The following BAZ1B variants were observed in gnomAD, a reference collection of about 807,000 sequenced individuals.
The protein encoded by BAZ1B is tyrosine-protein kinase BAZ1B.
Under a neutral mutation model 153.8 loss-of-function variants are expected in BAZ1B, and 22 were observed. That is an observed-to-expected ratio of 0.14 (90% CI 0.10 to 0.20). The LOEUF (loss-of-function observed/expected upper bound fraction) is 0.20. Ranked by LOEUF, BAZ1B falls within the 10% of genes least tolerant of loss-of-function variation. BAZ1B has a pLI of 1.00. For missense variants in BAZ1B, 1,325 were observed against 1,799.3 expected (o/e 0.74, Z 4.77); for synonymous variants, 676 against 633.4 (o/e 1.07, Z -1.01).
intron 3 of BAZ1B, chr7:73,507,264 T>C (rs782225270): frequency 1.3e-5 from 2 of 152,112 alleles, no homozygotes; most frequent in African/African-American, 2.4e-5. Flanking sequence ...AAGATTAGCA[T>C]GGTCATTGCA....
chr7:73,484,334 GAC>G (rs1484830113), intron 6 of BAZ1B, among the ~76,000 whole-genome samples: 2 of 151,880 alleles, frequency 1.3e-5, no homozygotes, highest in Non-Finnish European at 2.9e-5. Context: ...CAGACAGACA[GAC>G]AGATATAGAT....
At chr7:73,463,232 CTTTTTTCTTTT>C in intron 11 of BAZ1B, 133 bp from the exon 12 acceptor site, 1 of 638,502 alleles carries the variant, frequency 1.6e-6, no homozygotes, top group Non-Finnish European at 2.4e-6. Context: ...GGTGTTTTTT[CTTTTTTCTTTT>C]TTTTTTTTTT....
intron 1 of BAZ1B, among the ~76,000 whole-genome samples, chr7:73,516,165 T>C (rs1790791159): frequency 6.6e-6 from 1 of 151,336 alleles, no homozygotes; most frequent in South Asian, 2.1e-4. Context: ...GAGAAAAATG[T>C]GGTTTTCTTT....
intron 7 of BAZ1B, among the ~76,000 whole-genome samples, chr7:73,474,408 A>C (rs1788923951): frequency 6.6e-6 from 1 of 152,224 alleles, no homozygotes; most frequent in Non-Finnish European, 1.5e-5. Context: ...TATAAGTAAC[A>C]AAAGAATAAA....
rs1048576185 is a variant in BAZ1B at position 73,498,384 on chromosome 7, C to T, written c.571+113G>A. 2.7e-4 allele frequency: 262 copies of T among 981,588 alleles called. 1 individual carries two copies. Among genetic ancestry groups the T allele is most frequent in the Admixed American group, 3.4e-4 (16 of 47,126 alleles). The allele number at this position is 981,588 out of a possible 1,614,324, so 60.8% of individuals were successfully genotyped here. On this transcript the variant is annotated intron_variant, in intron 4 of 19. Coordinates refer to ENST00000339594, the MANE Select transcript of BAZ1B (RefSeq NM_032408.4). ...TCTATGAATCATAAATGAACAAAATCATGTCTACATAAAAAATCACACATT... is the reference window on the plus strand; with the variant it reads ...TCTATGAATCATAAATGAACAAAATTATGTCTACATAAAAAATCACACATT...
chr7:73,442,949 A>T (rs1787683738), intron 17 of BAZ1B, 121 bp from the exon 18 acceptor site: 1 of 778,976 alleles, frequency 1.3e-6, no homozygotes, highest in Non-Finnish European at 2.1e-6. Context: ...CTTGGCGCAG[A>T]GGTGCTGAAA....
chr7:73,517,001 G>T (rs1390032710), intron 1 of BAZ1B, among the ~76,000 whole-genome samples: 2 of 150,928 alleles, frequency 1.3e-5, no homozygotes. Context: ...GGCCAACGTG[G>T]TAAAACCCCA....
chr7:73,446,376 G>A (rs1184873497), intron 16 of BAZ1B, among the ~76,000 whole-genome samples: 2 of 152,006 alleles, frequency 1.3e-5, no homozygotes, highest in Non-Finnish European at 2.9e-5. Flanking sequence ...CTTGAGCTCA[G>A]GAGTTCGAGA....
At chr7:73,521,133 T>C (rs924792594) in intron 1 of BAZ1B, among the ~76,000 whole-genome samples, 1 of 152,088 alleles carries the variant, frequency 6.6e-6, no homozygotes, top group African/African-American at 2.4e-5. Context: ...CAAATACCAA[T>C]CTCCTTCTAA....
Position 73,469,569 on chromosome 7 carries a change from G to A in BAZ1B, c.2814C>T (p.Asn938=). 1 of 1,614,170 alleles carries A rather than the reference G, an allele frequency of 6.2e-7. No homozygotes were observed. Among genetic ancestry groups the A allele is most frequent in the Non-Finnish European group, 8.5e-7 (1 of 1,180,026 alleles). ...AGACTGTGTGGTCTTTGCAGTGATGGTTGAATCGGTAGTCAATGCTGTCAT... is the reference window on the plus strand; with the variant it reads ...AGACTGTGTGGTCTTTGCAGTGATGATTGAATCGGTAGTCAATGCTGTCAT... ...WVHDSIDYRF[N]HHCKDHTVSG... is the part of the protein sequence containing the mutation. Residue 938 remains asparagine, a synonymous_variant, in exon 9 of 20, where the codon AAC becomes AAT. Coordinates refer to ENST00000339594, the MANE Select transcript of BAZ1B (RefSeq NM_032408.4).
At chr7:73,462,004 C>T (rs1334737339) in intron 12 of BAZ1B, among the ~76,000 whole-genome samples, 2 of 152,190 alleles carry the variant, frequency 1.3e-5, no homozygotes, top group African/African-American at 4.8e-5. Flanking sequence ...TGGGCTCAAG[C>T]AATCCTCCTG....
At chr7:73,499,860 C>CTT (rs1307769067) in intron 3 of BAZ1B, among the ~76,000 whole-genome samples, 1 of 152,186 alleles carries the variant, frequency 6.6e-6, no homozygotes, top group African/African-American at 2.4e-5. Flanking sequence ...TTTCTTTTGA[C>CTT]TTATGTTAAC....
At position 73,497,009 on chromosome 7, in the gene BAZ1B, G is replaced by A. The variant is rs370923779; in HGVS notation, c.571+1488C>T. Among the ~76,000 whole-genome samples the A allele has an allele frequency of 6.4e-4, 91 of 141,650 alleles. No homozygotes were observed. In the Middle Eastern group the frequency reaches 0.02, roughly 32 times the overall value. 92.9% of individuals were successfully genotyped at this position (141,650 alleles called of 152,430 possible). A position where few individuals can be genotyped will look rare whatever the true frequency, so the allele number is the denominator to read the frequency against. On this transcript the variant is annotated intron_variant, in intron 4 of 19. Coordinates refer to ENST00000339594, the MANE Select transcript of BAZ1B (RefSeq NM_032408.4). ...AAAAAGAGGTCAAGGCAGGAGGATC[G>A]CTTGAACTCACGAGTACAAGACCAG... is the stretch of plus-strand genomic sequence containing the variant.
intron 5 of BAZ1B, among the ~76,000 whole-genome samples, chr7:73,491,912 A>G (rs935095754): frequency 6.6e-6 from 1 of 152,014 alleles, no homozygotes; most frequent in Non-Finnish European, 1.5e-5. Flanking sequence ...GATTCTGCAC[A>G]TACAGGTGGT....
At chr7:73,469,999 G>A (rs140421420) in intron 8 of BAZ1B, among the ~76,000 whole-genome samples, 1,917 of 152,178 alleles carry the variant, frequency 0.013, 43 homozygotes, top group African/African-American at 0.044. Context: ...GAACCACCAC[G>A]CCCAGCCCTA....
At chr7:73,463,237 T>TCC in intron 11 of BAZ1B, 138 bp from the exon 12 acceptor site, 1 of 811,772 alleles carries the variant, frequency 1.2e-6, no homozygotes, top group Admixed American at 3.1e-5. Context: ...TTTTTCTTTT[T>TCC]TCTTTTTTTT....
chr7:73,508,270 T>G, intron 3 of BAZ1B, 57 bp downstream of exon 3: 3 of 1,573,540 alleles, frequency 1.9e-6, no homozygotes, highest in Non-Finnish European at 2.6e-6. Context: ...TTCTGTAACC[T>G]ACGATGACAG....
At chr7:73,511,791 C>T (rs1790589201) in intron 1 of BAZ1B, among the ~76,000 whole-genome samples, 1 of 150,418 alleles carries the variant, frequency 6.6e-6, no homozygotes, top group African/African-American at 2.4e-5. Flanking sequence ...GAGTCCGAGG[C>T]AGGCAGATCA....
At chr7:73,442,643 T>TTC (rs1487394368) in intron 18 of BAZ1B, 82 bp downstream of exon 18, 4 of 1,547,918 alleles carry the variant, frequency 2.6e-6, no homozygotes, top group Non-Finnish European at 3.5e-6. Flanking sequence ...AGGGCTTGGC[T>TTC]GAGAGCCCCT....
Sources: gnomAD v4.1 joint callset for allele counts (sites outside exome capture counted in the v4.1 genomes callset) on GRCh38, gnomAD v4.1.1 for gene constraint, MANE v1.5 for transcripts, NCBI Gene and HGNC (gene_info 2026-07-23, HGNC 2026-07-21) for gene names.